NRP1: variants seen among roughly 807,000 people sequenced by gnomAD.
The protein encoded by NRP1 is neuropilin-1.
In NRP1, 35 loss-of-function variants were observed where a neutral mutation model predicts 106.7. The ratio of observed to expected loss-of-function variants is 0.33; its 90% CI spans 0.25 to 0.43. NRP1 has a LOEUF of 0.43. NRP1 is among the 20% of genes least tolerant of loss of function. NRP1 has a pLI of 1.00. For missense variants in NRP1, 1,024 were observed against 1,170.4 expected (o/e 0.87, Z 1.83); for synonymous variants, 437 against 417.9 (o/e 1.05, Z -0.56).
intron 8 of NRP1, 36 bp from the exon 9 acceptor site, chr10:33,213,753 T>C: frequency 6.8e-7 from 1 of 1,468,956 alleles, no homozygotes; most frequent in Non-Finnish European, 9.2e-7. Context: ...TGTAAAATGA[T>C]TTCCTGGGCG....
At chr10:33,230,646 T>C (rs1840047754) in intron 6 of NRP1, among the ~76,000 whole-genome samples, 1 of 151,372 alleles carries the variant, frequency 6.6e-6, no homozygotes, top group African/African-American at 2.4e-5. Context: ...TGTATGTATC[T>C]CCTAGTCACT....
chr10:33,266,705 G>A (rs1444205040), intron 3 of NRP1, among the ~76,000 whole-genome samples: 2 of 152,128 alleles, frequency 1.3e-5, no homozygotes, highest in Non-Finnish European at 2.9e-5. Flanking sequence ...GTGGAGGTGG[G>A]GTCTGGTGGG....
At chr10:33,194,878 G>A in intron 12 of NRP1, 3 of 427,168 alleles carry the variant, frequency 7.0e-6, no homozygotes, top group Admixed American at 3.1e-5. Flanking sequence ...GAGAAAAGGA[G>A]AGAAAAAAGC....
chr10:33,294,140 T>C (rs576450225), intron 2 of NRP1, among the ~76,000 whole-genome samples: 2 of 152,226 alleles, frequency 1.3e-5, no homozygotes, highest in Non-Finnish European at 1.5e-5. Context: ...TTCAAGTGCA[T>C]GTGCAGTTTT....
chr10:33,328,100 T>G (rs992195651), intron 2 of NRP1, among the ~76,000 whole-genome samples: 2 of 152,180 alleles, frequency 1.3e-5, no homozygotes, highest in Non-Finnish European at 2.9e-5. Context: ...TTAAGATTGT[T>G]ATGTAACATC....
intron 7 of NRP1, 64 bp from the exon 8 acceptor site, chr10:33,221,927 T>A: frequency 6.5e-7 from 1 of 1,527,356 alleles, no homozygotes; most frequent in Non-Finnish European, 9.0e-7. Context: ...ATAAATGTGT[T>A]TTCACAAATG....
In NRP1 at chr10:33,179,962, C is replaced by G; in HGVS notation, c.*114G>C. The G allele has an allele frequency of 1.8e-6, 2 of 1,082,794 alleles. No homozygotes were observed. Among genetic ancestry groups the G allele is most frequent in the Non-Finnish European group, 2.7e-6 (2 of 734,912 alleles). 67.1% of individuals were successfully genotyped at this position (1,082,794 alleles called of 1,614,324 possible). A position where few individuals can be genotyped will look rare whatever the true frequency, so the allele number is the denominator to read the frequency against. ...ATTGAAGCTCCTGAGAAAAGCCTGGCTCAGTGGTCATCAACACACTTCCCA... is the reference window on the plus strand; with the variant it reads ...ATTGAAGCTCCTGAGAAAAGCCTGGGTCAGTGGTCATCAACACACTTCCCA... On this transcript the variant is annotated 3_prime_UTR_variant, in exon 17 of 17. Transcript: ENST00000374867.
chr10:33,266,041 G>C (rs1253550061), intron 3 of NRP1, among the ~76,000 whole-genome samples: 4 of 152,050 alleles, frequency 2.6e-5, no homozygotes, highest in Non-Finnish European at 4.4e-5. Context: ...GGAAAAAACC[G>C]CTTTGGCTAC....
intron 10 of NRP1, among the ~76,000 whole-genome samples, chr10:33,203,521 A>ACG (rs1837511068): frequency 3.3e-5 from 5 of 152,068 alleles, no homozygotes; most frequent in Non-Finnish European, 5.9e-5. Flanking sequence ...AAAAAAACTA[A>ACG]AAAAACAGTG....
Position 33,202,571 on chromosome 10 carries a change from G to GC in NRP1, c.1864+319_1864+320insG, listed in dbSNP as rs886398774. ...TAGGGGTGGTGCACGTGTTATTGGG[G>GC]GGGGGTCTGAAAATAATGAAAATAA... On this transcript the variant is annotated intron_variant, in intron 11 of 16. Coordinates refer to ENST00000374867, the MANE Select transcript of NRP1 (RefSeq NM_003873.7). The GC allele has an allele frequency of 3.7e-5, 52 of 1,416,680 alleles. 1 individual carries two copies. In the African/African-American group the frequency reaches 7.6e-4, roughly 21 times the overall value. 87.8% of individuals were successfully genotyped at this position (1,416,680 alleles called of 1,614,324 possible).
At chr10:33,190,427 C>T (rs944149554) in intron 13 of NRP1, among the ~76,000 whole-genome samples, 7 of 152,170 alleles carry the variant, frequency 4.6e-5, no homozygotes, top group African/African-American at 1.7e-4. Context: ...TTGAAAGTGT[C>T]TCAGATTTGA....
chr10:33,202,428 TA>T, intron 11 of NRP1: 1 of 533,630 alleles, frequency 1.9e-6, no homozygotes, highest in Non-Finnish European at 3.1e-6. Context: ...AATCCCAACT[TA>T]AAAGCCGCAC....
Position 33,325,011 on chromosome 10 carries a change from C to T in NRP1, c.248+5697G>A, listed in dbSNP as rs73253811. The stretch of plus-strand genomic sequence containing the variant: ...AAAAATGAAGTCACAGAAGTTAGGA[C>T]AGCAGTTGCCCTTGAGGGCAAAGGT... On this transcript the variant is annotated intron_variant, in intron 2 of 16. Coordinates refer to ENST00000374867, the MANE Select transcript of NRP1 (RefSeq NM_003873.7). 6.0e-3 allele frequency among the ~76,000 whole-genome samples: 909 copies of T among 152,282 alleles called. 12 individuals carry two copies. Among genetic ancestry groups the T allele is most frequent in the African/African-American group, 0.02 (843 of 41,532 alleles).
chr10:33,293,213 T>G (rs1845128852), intron 2 of NRP1, among the ~76,000 whole-genome samples: 4 of 152,246 alleles, frequency 2.6e-5, no homozygotes, highest in Admixed American at 2.6e-4. Context: ...AAATATTAAC[T>G]TGAACACAAT....
At chr10:33,219,198 G>A (rs905377370) in intron 8 of NRP1, among the ~76,000 whole-genome samples, 2 of 152,154 alleles carry the variant, frequency 1.3e-5, no homozygotes, top group South Asian at 2.1e-4. Flanking sequence ...TAAGCCAGGG[G>A]TGTTCCAAAT....
intron 8 of NRP1, among the ~76,000 whole-genome samples, chr10:33,214,746 C>T (rs1195806134): frequency 6.6e-6 from 1 of 152,144 alleles, no homozygotes; most frequent in Non-Finnish European, 1.5e-5. Context: ...TAGGAGTAGC[C>T]TATCACTAGA....
intron 2 of NRP1, among the ~76,000 whole-genome samples, chr10:33,298,844 C>T (rs1939470372): frequency 1.3e-5 from 2 of 152,174 alleles, no homozygotes; most frequent in African/African-American, 4.8e-5. Context: ...TTCTAGCTGT[C>T]ATATTCCAGG....
chr10:33,258,753 T>A (rs909665428), intron 4 of NRP1, among the ~76,000 whole-genome samples: 3 of 151,612 alleles, frequency 2.0e-5, no homozygotes, highest in African/African-American at 7.3e-5. Flanking sequence ...AATGCAACAC[T>A]TTTTTTTTCT....
chr10:33,202,628 A>T, intron 11 of NRP1: 1 of 1,520,406 alleles, frequency 6.6e-7, no homozygotes, highest in Non-Finnish European at 8.9e-7. Context: ...CCATGGGGAA[A>T]TTCTTATTCA....
Sources: gnomAD v4.1 joint callset for allele counts (sites outside exome capture counted in the v4.1 genomes callset) on GRCh38, gnomAD v4.1.1 for gene constraint, MANE v1.5 for transcripts, NCBI Gene and HGNC (gene_info 2026-07-23, HGNC 2026-07-21) for gene names.